SGCZ: variants seen among roughly 807,000 people sequenced by gnomAD.
SGCZ encodes zeta-sarcoglycan.
SGCZ carries 40 observed loss-of-function variants against 41.3 expected under a neutral mutation model. The ratio of observed to expected loss-of-function variants is 0.97; its 90% CI spans 0.75 to 1.26. The LOEUF (loss-of-function observed/expected upper bound fraction) is 1.26. SGCZ is among the 50% of genes most tolerant of loss of function. SGCZ has a pLI of 0.00. For missense variants in SGCZ, 552 were observed against 369.8 expected (o/e 1.49, Z -4.04); for synonymous variants, 206 against 137.5 (o/e 1.50, Z -3.49).
chr8:14,700,475 G>C (rs561216137), intron 1 of SGCZ, among the ~76,000 whole-genome samples: 47 of 151,976 alleles, frequency 3.1e-4, no homozygotes, highest in African/African-American at 1.1e-3. Context: ...GATGGCAGGA[G>C]ATGGGGGAGG....
At chr8:14,260,019 G>C (rs575208491) in intron 3 of SGCZ, among the ~76,000 whole-genome samples, 326 of 152,144 alleles carry the variant, frequency 2.1e-3, no homozygotes, top group African/African-American at 6.0e-3. Flanking sequence ...TCCTTGAAGA[G>C]GTCCTTCACA....
At chr8:14,093,896 A>T (rs1801763738) in intron 7 of SGCZ, among the ~76,000 whole-genome samples, 1 of 152,060 alleles carries the variant, frequency 6.6e-6, no homozygotes, top group South Asian at 2.1e-4. Context: ...TTACATTTGT[A>T]TTCATTCATT....
chr8:14,691,386 G>A (rs112312751), intron 1 of SGCZ, among the ~76,000 whole-genome samples: 7 of 152,000 alleles, frequency 4.6e-5, no homozygotes, highest in African/African-American at 1.7e-4. Context: ...CAAGTCAACC[G>A]ATACATGAAC....
At chr8:14,341,229 T>C (rs1217543368) in intron 2 of SGCZ, among the ~76,000 whole-genome samples, 4 of 152,354 alleles carry the variant, frequency 2.6e-5, no homozygotes, top group East Asian at 1.9e-4. Flanking sequence ...ATAACTTTGC[T>C]ATGAACAGGG....
At chr8:14,872,532 T>A (rs1804199353) in intron 1 of SGCZ, among the ~76,000 whole-genome samples, 1 of 152,052 alleles carries the variant, frequency 6.6e-6, no homozygotes, top group African/African-American at 2.4e-5. Flanking sequence ...AGCTGAAAAG[T>A]TGGCCTTGGG....
At chr8:14,781,484 C>A (rs577922618) in intron 1 of SGCZ, among the ~76,000 whole-genome samples, 51 of 152,270 alleles carry the variant, frequency 3.3e-4, no homozygotes, top group African/African-American at 1.1e-3. Context: ...CCATCTCGGC[C>A]TCCCAAAGTG....
intron 2 of SGCZ, among the ~76,000 whole-genome samples, chr8:14,327,617 G>T (rs561764612): frequency 6.6e-6 from 1 of 152,198 alleles, no homozygotes; most frequent in Non-Finnish European, 1.5e-5. Context: ...CCACAGTTAA[G>T]TGTGTTATTA....
At chr8:14,365,452 A>C (rs1176148018) in intron 2 of SGCZ, among the ~76,000 whole-genome samples, 3 of 152,108 alleles carry the variant, frequency 2.0e-5, no homozygotes. Context: ...TGGTTGATTT[A>C]ATCTGCTAAC....
At chr8:14,240,850 C>G (rs910451383) in intron 3 of SGCZ, among the ~76,000 whole-genome samples, 6 of 152,142 alleles carry the variant, frequency 3.9e-5, no homozygotes, top group Non-Finnish European at 8.8e-5. Context: ...TTTTTACACA[C>G]TATCCACTCA....
intron 2 of SGCZ, among the ~76,000 whole-genome samples, chr8:14,545,023 G>A (rs559357595): frequency 1.3e-5 from 2 of 152,234 alleles, no homozygotes; most frequent in East Asian, 1.9e-4. Context: ...ACTCAGGCGA[G>A]CATCAAGTCC....
At position 15,164,747 on chromosome 8, in the gene SGCZ, C is replaced by CT. The variant is rs77450785; in HGVS notation, c.39+72837dup. 5.9e-3 allele frequency among the ~76,000 whole-genome samples: 896 copies of CT among 151,254 alleles called. 23 individuals carry two copies. The East Asian group carries it at 0.077, about 13-fold the overall frequency. ...GTGAAAAAGGGTTTGTGAGGCTAGT[C>CT]TTGGGCTGTGGCCAATCTGGTGTGC... On this transcript the variant is annotated intron_variant, in intron 1 of 7. Coordinates refer to ENST00000382080, the MANE Select transcript of SGCZ (RefSeq NM_139167.4).
intron 2 of SGCZ, among the ~76,000 whole-genome samples, chr8:14,494,800 C>T (rs1801943835): frequency 6.6e-6 from 1 of 152,256 alleles, no homozygotes; most frequent in African/African-American, 2.4e-5. Context: ...CTGGTTTTTG[C>T]AGTAGCCTGC....
At chr8:15,190,332 C>G (rs1239922618) in intron 1 of SGCZ, among the ~76,000 whole-genome samples, 1 of 127,246 alleles carries the variant, frequency 7.9e-6, no homozygotes, top group African/African-American at 2.6e-5. Flanking sequence ...AAGGATAATT[C>G]ATTTCATTCA....
intron 2 of SGCZ, among the ~76,000 whole-genome samples, chr8:14,438,727 T>C (rs1800161397): frequency 6.6e-6 from 1 of 152,032 alleles, no homozygotes. Flanking sequence ...AATTTTAATT[T>C]TTTTAAATCT....
intron 1 of SGCZ, among the ~76,000 whole-genome samples, chr8:15,198,854 C>A (rs1313472927): frequency 1.3e-5 from 2 of 152,152 alleles, no homozygotes; most frequent in African/African-American, 2.4e-5. Context: ...CCTTCCTGCG[C>A]TTTCTTGTTG....
Position 14,258,358 on chromosome 8 carries a change from T to G in SGCZ, c.337-20679A>C, listed in dbSNP as rs117297589. Reference sequence around the variant, plus strand: ...TAGTCCTCTGCACTCTGCAAACACATGCCCTGTACTTCCCTGATCTCTCGG... The same window carrying G: ...TAGTCCTCTGCACTCTGCAAACACAGGCCCTGTACTTCCCTGATCTCTCGG... On this transcript the variant is annotated intron_variant, in intron 3 of 7. Transcript: ENST00000382080. Among the ~76,000 whole-genome samples, 1,039 of 152,248 alleles carry G rather than the reference T, an allele frequency of 6.8e-3. 8 individuals are homozygous for G. The highest frequency in any genetic ancestry group is 0.014 in the Middle Eastern group (4 of 294).
chr8:14,415,653 C>T (rs1262190291), intron 2 of SGCZ, among the ~76,000 whole-genome samples: 1 of 151,830 alleles, frequency 6.6e-6, no homozygotes, highest in Non-Finnish European at 1.5e-5. Context: ...TAAATAACTC[C>T]TTAAGAAAAA....
chr8:14,537,191 A>G (rs1356298603), intron 2 of SGCZ, among the ~76,000 whole-genome samples: 2 of 151,912 alleles, frequency 1.3e-5, no homozygotes, highest in Non-Finnish European at 1.5e-5. Context: ...TCAGAAGTCT[A>G]ATCAGAGTCT....
At chr8:14,125,023 T>C (rs1802808260) in intron 5 of SGCZ, among the ~76,000 whole-genome samples, 1 of 152,114 alleles carries the variant, frequency 6.6e-6, no homozygotes, top group Non-Finnish European at 1.5e-5. Context: ...AGCTAAATTA[T>C]GAATGAACTC....
Sources: gnomAD v4.1 joint callset for allele counts (sites outside exome capture counted in the v4.1 genomes callset) on GRCh38, gnomAD v4.1.1 for gene constraint, MANE v1.5 for transcripts, NCBI Gene and HGNC (gene_info 2026-07-23, HGNC 2026-07-21) for gene names.